NR3C2: variants seen among roughly 807,000 people sequenced by gnomAD.
NR3C2 encodes nuclear receptor subfamily 3 group C member 2, also known as mineralocorticoid receptor.
Under a neutral mutation model 86.4 loss-of-function variants are expected in NR3C2, and 15 were observed. That is an observed-to-expected ratio of 0.17 (90% CI 0.12 to 0.27). NR3C2 has a LOEUF of 0.27. Ranked by LOEUF, NR3C2 falls within the 10% of genes least tolerant of loss-of-function variation. The pLI is 1.00. For missense variants in NR3C2, 960 were observed against 1,195.6 expected, an observed-to-expected ratio of 0.80 and a Z score of 2.91; for synonymous variants, 458 against 450.5, an observed-to-expected ratio of 1.02 and a Z score of -0.21.
intron 3 of NR3C2, among the ~76,000 whole-genome samples, chr4:148,256,094 G>A (rs1308378686): frequency 6.6e-6 from 1 of 152,194 alleles, no homozygotes; most frequent in African/African-American, 2.4e-5. Flanking sequence ...TCTCAACTGT[G>A]AGACTCCCAA....
intron 3 of NR3C2, among the ~76,000 whole-genome samples, chr4:148,196,463 G>A (rs569971376): frequency 5.3e-4 from 80 of 152,240 alleles, no homozygotes; most frequent in African/African-American, 1.9e-3. Context: ...AGCATAGACT[G>A]GAGAGTGAAG....
At chr4:148,371,820 T>C (rs1369029346) in intron 2 of NR3C2, among the ~76,000 whole-genome samples, 1 of 152,198 alleles carries the variant, frequency 6.6e-6, no homozygotes, top group African/African-American at 2.4e-5. Context: ...AGTTGTTGCT[T>C]AAAGTCATAA....
intron 2 of NR3C2, among the ~76,000 whole-genome samples, chr4:148,420,632 T>C (rs539748653): frequency 2.0e-5 from 3 of 152,228 alleles, no homozygotes; most frequent in South Asian, 4.1e-4. Context: ...CCCAGTGACA[T>C]AGTTTGGATC....
intron 6 of NR3C2, among the ~76,000 whole-genome samples, chr4:148,124,007 GGCAGGCAGATCACC>G (rs1463302883): frequency 2.0e-5 from 3 of 152,206 alleles, no homozygotes; most frequent in Non-Finnish European, 4.4e-5. Flanking sequence ...GGGAGACCGA[GGCAGGCAGATCACC>G]TGAGGTCAGG....
intron 6 of NR3C2, among the ~76,000 whole-genome samples, chr4:148,144,630 C>T (rs879618289): frequency 6.6e-6 from 1 of 152,164 alleles, no homozygotes; most frequent in Non-Finnish European, 1.5e-5. Context: ...ATCTACCTCT[C>T]CTCTCTCCCT....
chr4:148,334,571 C>T (rs922017986), intron 2 of NR3C2, among the ~76,000 whole-genome samples: 3 of 152,074 alleles, frequency 2.0e-5, no homozygotes, highest in Admixed American at 6.6e-5. Context: ...AAAAAACTTA[C>T]ACAAATGAGG....
intron 2 of NR3C2, chr4:148,368,401 T>C (rs936507397): frequency 4.6e-5 from 7 of 152,178 alleles, no homozygotes; most frequent in African/African-American, 1.7e-4. Context: ...AATTACTACC[T>C]CTTCAAAGAA....
chr4:148,412,548 A>T (rs1411279773), intron 2 of NR3C2, among the ~76,000 whole-genome samples: 1 of 152,184 alleles, frequency 6.6e-6, no homozygotes, highest in Non-Finnish European at 1.5e-5. Flanking sequence ...AGATGCAGAA[A>T]CAAGAGAAAT....
At chr4:148,211,057 A>G (rs986472281) in intron 3 of NR3C2, among the ~76,000 whole-genome samples, 1 of 152,218 alleles carries the variant, frequency 6.6e-6, no homozygotes, top group South Asian at 2.1e-4. Context: ...GTACACACCT[A>G]TGAAGCCCAA....
At chr4:148,126,269 T>A (rs931134397) in intron 6 of NR3C2, among the ~76,000 whole-genome samples, 2 of 152,194 alleles carry the variant, frequency 1.3e-5, no homozygotes, top group African/African-American at 4.8e-5. Flanking sequence ...CAGGGATGTA[T>A]GAACTAAGTA....
intron 2 of NR3C2, among the ~76,000 whole-genome samples, chr4:148,416,599 T>C (rs933844504): frequency 3.9e-5 from 6 of 152,220 alleles, no homozygotes. Context: ...TGTGTCTCTT[T>C]CTACTCTCCA....
intron 3 of NR3C2, among the ~76,000 whole-genome samples, chr4:148,246,030 A>G (rs138904643): frequency 0.012 from 1,901 of 152,286 alleles, 45 homozygotes; most frequent in African/African-American, 0.044. Flanking sequence ...ATGAGTGGGT[A>G]CACACAATAT....
chr4:148,345,393 T>TA lies in NR3C2; in HGVS notation c.1758-85277dup, dbSNP rs1000422906. 1.3e-4 allele frequency among the ~76,000 whole-genome samples: 20 copies of TA among 151,420 alleles called. 1 individual carries two copies. Among genetic ancestry groups the TA allele is most frequent in the Admixed American group, 2.0e-4 (3 of 15,170 alleles). Reference sequence around the variant, plus strand: ...TATTGTAGACAATAATTGGCAAGAGTAAAAAAAATACATCGTTTTTCAATG... The same window carrying TA: ...TATTGTAGACAATAATTGGCAAGAGTAAAAAAAAATACATCGTTTTTCAATG... On this transcript the variant is annotated intron_variant, in intron 2 of 8. Coordinates refer to ENST00000358102, the MANE Select transcript of NR3C2 (RefSeq NM_000901.5).
rs1737793849 is a variant in NR3C2, at chr4:148,220,725, G to A, written c.1898-25863C>T. ...GGGGGAGGATGGCTTGAGCCCAGGAGGTCAAGGCTGCAGTAAGCCATGATT... is the reference window on the plus strand; with the variant it reads ...GGGGGAGGATGGCTTGAGCCCAGGAAGTCAAGGCTGCAGTAAGCCATGATT... On this transcript the variant is annotated intron_variant, in intron 3 of 8. Transcript: ENST00000358102. Among the ~76,000 whole-genome samples, 3 of 152,314 alleles carry A rather than the reference G, an allele frequency of 2.0e-5. No individual in the cohort carries two copies. The South Asian group carries it at 6.2e-4, about 32-fold the overall frequency.
chr4:148,116,517 C>T (rs576871526), intron 7 of NR3C2, among the ~76,000 whole-genome samples: 1 of 152,304 alleles, frequency 6.6e-6, no homozygotes, highest in East Asian at 1.9e-4. Context: ...TCCTCAAGAA[C>T]ATGAGAGCCT....
chr4:148,247,263 G>A (rs944072242), intron 3 of NR3C2, among the ~76,000 whole-genome samples: 1 of 152,092 alleles, frequency 6.6e-6, no homozygotes, highest in Non-Finnish European at 1.5e-5. Context: ...ATGTGTTAAC[G>A]GCTCAATAGA....
intron 2 of NR3C2, among the ~76,000 whole-genome samples, chr4:148,336,733 C>T (rs550846864): frequency 6.6e-6 from 1 of 152,252 alleles, no homozygotes; most frequent in Admixed American, 6.5e-5. Flanking sequence ...GATTAAGAAT[C>T]ATATGTATTA....
At chr4:148,083,090 G>A in intron 8 of NR3C2, among the ~76,000 whole-genome samples, 1 of 152,186 alleles carries the variant, frequency 6.6e-6, no homozygotes, top group East Asian at 1.9e-4. Context: ...GGGGCTTATA[G>A]ATAAAACCCC....
At chr4:148,271,494 T>C (rs1382013655) in intron 2 of NR3C2, among the ~76,000 whole-genome samples, 1 of 152,146 alleles carries the variant, frequency 6.6e-6, no homozygotes, top group Non-Finnish European at 1.5e-5. Flanking sequence ...CGGCACACAC[T>C]GAACTAGTGC....
Sources: gnomAD v4.1 joint callset for allele counts (sites outside exome capture counted in the v4.1 genomes callset) on GRCh38, gnomAD v4.1.1 for gene constraint, MANE v1.5 for transcripts, NCBI Gene and HGNC (gene_info 2026-07-23, HGNC 2026-07-21) for gene names.